Variants in FAM135A observed in about 807,000 individuals in gnomAD.
The protein encoded by FAM135A is family with sequence similarity 135 member A, also known as protein FAM135A.
FAM135A carries 79 observed loss-of-function variants against 146.8 expected under a neutral mutation model. That is an observed-to-expected ratio of 0.54 (90% CI 0.45 to 0.65). The LOEUF (loss-of-function observed/expected upper bound fraction) is 0.65, where lower values mean the gene tolerates loss of function less well. Among genes scored for constraint, FAM135A ranks in the 30% least tolerant of loss-of-function variants. The probability of loss-of-function intolerance (pLI) is 0.00; values close to 1 mark genes in which losing one functional copy is unlikely to be tolerated. For synonymous variants in FAM135A, 562 were observed against 603.6 expected, an observed-to-expected ratio of 0.93 and a Z score of 1.01; for missense variants, 1,623 against 1,758.2, an observed-to-expected ratio of 0.92 and a Z score of 1.38.
intron 12 of FAM135A, among the ~76,000 whole-genome samples, chr6:70,506,081 C>G (rs915362544): frequency 6.6e-6 from 1 of 152,130 alleles, no homozygotes; most frequent in African/African-American, 2.4e-5. Context: ...TCAGGAACAT[C>G]ATTTCTCACT....
intron 8 of FAM135A, among the ~76,000 whole-genome samples, chr6:70,480,288 A>G (rs1423284978): frequency 2.0e-5 from 3 of 152,176 alleles, no homozygotes; most frequent in African/African-American, 7.2e-5. Context: ...CCTAAGCAAC[A>G]TAGCAAGACC....
At chr6:70,423,830 A>C (rs1769404505) in intron 2 of FAM135A, among the ~76,000 whole-genome samples, 1 of 152,168 alleles carries the variant, frequency 6.6e-6, no homozygotes, top group African/African-American at 2.4e-5. Context: ...CCATAGTACC[A>C]TCCATTAGTT....
At chr6:70,447,523 C>G (rs555771549) in intron 4 of FAM135A, among the ~76,000 whole-genome samples, 1 of 152,330 alleles carries the variant, frequency 6.6e-6, no homozygotes, top group South Asian at 2.1e-4. Flanking sequence ...AGGGGTTCCT[C>G]AGGCAGAAGG....
intron 5 of FAM135A, among the ~76,000 whole-genome samples, chr6:70,459,985 C>T (rs370355301): frequency 1.5e-4 from 23 of 152,134 alleles, no homozygotes; most frequent in East Asian, 1.2e-3. Flanking sequence ...GAGCCAAGAT[C>T]GCATCACTGC....
intron 5 of FAM135A, among the ~76,000 whole-genome samples, chr6:70,464,820 CCA>C (rs1780125462): frequency 6.9e-6 from 1 of 145,168 alleles, no homozygotes; most frequent in Admixed American, 6.9e-5. Flanking sequence ...GCATGCACCA[CCA>C]CGCCTGGCCA....
intron 11 of FAM135A, among the ~76,000 whole-genome samples, chr6:70,496,551 G>A (rs1381501863): frequency 6.6e-6 from 1 of 152,096 alleles, no homozygotes; most frequent in Non-Finnish European, 1.5e-5. Flanking sequence ...ATTGCTTTTG[G>A]TGTTTTAGTC....
At chr6:70,552,290 G>GCTTTATATAAACC (rs566612052) in intron 20 of FAM135A, among the ~76,000 whole-genome samples, 3 of 151,726 alleles carry the variant, frequency 2.0e-5, no homozygotes, top group Non-Finnish European at 4.4e-5. Flanking sequence ...CCTGGTTTCT[G>GCTTTATATAAACC]CTTTATATAA....
intron 3 of FAM135A, among the ~76,000 whole-genome samples, chr6:70,427,480 C>T (rs778434993): frequency 4.0e-5 from 6 of 150,384 alleles, no homozygotes; most frequent in South Asian, 2.1e-4. Flanking sequence ...TGCAGTGAGC[C>T]GAGAGCGCGC....
At position 70,475,349 on chromosome 6, in the gene FAM135A, G is replaced by A. The variant is rs929866232; in HGVS notation, c.158-61G>A. On this transcript the variant is annotated intron_variant, in intron 5 of 21. Transcript: ENST00000418814. Reference sequence around the variant, plus strand: ...ACATACAGTATTTTAAAGTACAAGTGTTAATTTGCTTGTGTTATATTTTAC... The same window carrying A: ...ACATACAGTATTTTAAAGTACAAGTATTAATTTGCTTGTGTTATATTTTAC... The A allele has an allele frequency of 4.5e-6, 6 of 1,338,208 alleles. No homozygotes were observed. The South Asian group carries it at 7.1e-5, about 16-fold the overall frequency. 82.9% of individuals were successfully genotyped at this position (1,338,208 alleles called of 1,614,324 possible).
At chr6:70,529,159 G>A (rs2128379104) in intron 16 of FAM135A, among the ~76,000 whole-genome samples, 1 of 151,692 alleles carries the variant, frequency 6.6e-6, no homozygotes, top group Admixed American at 6.6e-5. Context: ...AGAAAAATCG[G>A]TATTTCTAGA....
At chr6:70,501,505 TTC>T (rs1788514106) in intron 11 of FAM135A, among the ~76,000 whole-genome samples, 1 of 151,992 alleles carries the variant, frequency 6.6e-6, no homozygotes, top group African/African-American at 2.4e-5. Flanking sequence ...GAGTGAACGG[TTC>T]TGTCTCGCTG....
intron 5 of FAM135A, among the ~76,000 whole-genome samples, chr6:70,467,729 C>G (rs761952558): frequency 2.4e-4 from 37 of 151,956 alleles, no homozygotes; most frequent in Middle Eastern, 3.4e-3. Context: ...CTTTTCTTCT[C>G]TCCTTCCCTC....
At chr6:70,471,269 A>G (rs1459645473) in intron 5 of FAM135A, among the ~76,000 whole-genome samples, 2 of 152,204 alleles carry the variant, frequency 1.3e-5, no homozygotes, top group Non-Finnish European at 2.9e-5. Context: ...GTGTATTATA[A>G]TGATGGATCA....
chr6:70,501,123 G>A (rs974023932), intron 11 of FAM135A, among the ~76,000 whole-genome samples: 8 of 152,212 alleles, frequency 5.3e-5, no homozygotes, highest in Non-Finnish European at 8.8e-5. Flanking sequence ...GAGGGGCTCT[G>A]TCCCAGGGAG....
chr6:70,495,713 G>A (rs140008085), intron 11 of FAM135A, among the ~76,000 whole-genome samples: 3 of 152,010 alleles, frequency 2.0e-5, no homozygotes, highest in Non-Finnish European at 2.9e-5. Context: ...AGGTGTACAC[G>A]TGCCATGGTG....
intron 12 of FAM135A, chr6:70,504,462 A>G (rs1789265813): frequency 6.6e-6 from 1 of 152,206 alleles, no homozygotes; most frequent in South Asian, 2.1e-4. Flanking sequence ...TTAGAATAGA[A>G]GGAAACTAAG....
chr6:70,435,701 A>G (rs9455106), intron 4 of FAM135A, among the ~76,000 whole-genome samples: 10,461 of 152,104 alleles, frequency 0.069, 1,185 homozygotes, highest in African/African-American at 0.23. Context: ...TTTTTAACAA[A>G]ATTATCTTAA....
chr6:70,533,004 T>G (rs1796116637), intron 16 of FAM135A, among the ~76,000 whole-genome samples, 156 bp from the exon 17 acceptor site: 1 of 152,184 alleles, frequency 6.6e-6, no homozygotes, highest in Non-Finnish European at 1.5e-5. Flanking sequence ...AAATCAGCTT[T>G]GACATAAAAA....
intron 21 of FAM135A, among the ~76,000 whole-genome samples, chr6:70,559,322 T>A (rs1801509478): frequency 6.6e-6 from 1 of 151,920 alleles, no homozygotes; most frequent in Admixed American, 6.6e-5. Context: ...ATGCCTGTAA[T>A]CCCAGCTACT....
Sources: gnomAD v4.1 joint callset for allele counts (sites outside exome capture counted in the v4.1 genomes callset) on GRCh38, gnomAD v4.1.1 for gene constraint, MANE v1.5 for transcripts, NCBI Gene and HGNC (gene_info 2026-07-23, HGNC 2026-07-21) for gene names.